IL1RAPL2: variants seen among roughly 807,000 people sequenced by gnomAD.
IL1RAPL2 encodes the protein interleukin 1 receptor accessory protein like 2, also known as X-linked interleukin-1 receptor accessory protein-like 2.
A neutral mutation model predicts 44.1 loss-of-function variants in IL1RAPL2; 3 were observed. The ratio of observed to expected loss-of-function variants is 0.07; its 90% CI spans 0.03 to 0.18. The LOEUF (loss-of-function observed/expected upper bound fraction) is 0.18, where lower values mean the gene tolerates loss of function less well. Ranked by LOEUF, IL1RAPL2 falls within the 10% of genes least tolerant of loss-of-function variation. The pLI is 1.00. For synonymous variants in IL1RAPL2, 181 were observed against 178.8 expected (o/e 1.01, Z -0.10); for missense variants, 391 against 496.4 (o/e 0.79, Z 2.02).
intron 6 of IL1RAPL2, among the ~76,000 whole-genome samples, chrX:105,635,688 T>A (rs1394423368): frequency 8.9e-6 from 1 of 111,776 alleles, no homozygotes; most frequent in Non-Finnish European, 1.9e-5. Context: ...TTATAGAACT[T>A]AAAAAACTTG....
chrX:104,884,314 A>C (rs1040302762), intron 2 of IL1RAPL2, among the ~76,000 whole-genome samples: 7 of 111,891 alleles, frequency 6.3e-5, no homozygotes, highest in African/African-American at 2.3e-4. Context: ...GAGTGCAACT[A>C]TTCCAATCAG....
intron 3 of IL1RAPL2, among the ~76,000 whole-genome samples, chrX:105,206,602 A>G (rs1320800273): frequency 8.9e-6 from 1 of 112,299 alleles, no homozygotes; most frequent in Admixed American, 9.5e-5. Flanking sequence ...TTTTAGTTTC[A>G]TCAGTGAACA....
At chrX:105,434,387 G>A (rs768535443) in intron 5 of IL1RAPL2, among the ~76,000 whole-genome samples, 26 of 111,775 alleles carry the variant, frequency 2.3e-4, no homozygotes, top group East Asian at 1.4e-3. Flanking sequence ...TCACATTTGC[G>A]TAAAAATATA....
At position 104,695,020 on chromosome X, in the gene IL1RAPL2, C is replaced by G. The variant is rs191381892; in HGVS notation, c.82+36025C>G. ...ATGTCCAGCCTCAGCTGGGCTCTCA[C>G]TGTCACTCAACAATCCATTGATGTG... On this transcript the variant is annotated intron_variant, in intron 2 of 10. Coordinates refer to ENST00000372582, the MANE Select transcript of IL1RAPL2 (RefSeq NM_017416.2). Among the ~76,000 whole-genome samples the G allele has an allele frequency of 2.5e-4, 28 of 112,455 alleles. No individual in the cohort carries two copies. The East Asian group carries it at 7.3e-3, about 29-fold the overall frequency.
chrX:105,074,490 G>C (rs1044849009), intron 2 of IL1RAPL2, among the ~76,000 whole-genome samples: 5 of 111,178 alleles, frequency 4.5e-5, no homozygotes, highest in Non-Finnish European at 7.5e-5. Flanking sequence ...CTCCGGCTTT[G>C]TTCTTTTGGC....
intron 2 of IL1RAPL2, among the ~76,000 whole-genome samples, chrX:105,170,451 A>C (rs59005632): frequency 0.14 from 16,118 of 111,181 alleles, 2,891 homozygotes; most frequent in African/African-American, 0.5. Flanking sequence ...ACTATTACTA[A>C]TATTGACAAT....
intron 2 of IL1RAPL2, among the ~76,000 whole-genome samples, chrX:105,011,276 A>T (rs752816368): frequency 9.0e-6 from 1 of 111,216 alleles, no homozygotes; most frequent in Non-Finnish European, 1.9e-5. Flanking sequence ...AATATTTATT[A>T]TGATTCCCCC....
intron 6 of IL1RAPL2, among the ~76,000 whole-genome samples, chrX:105,539,259 CA>C (rs749291498): frequency 3.6e-5 from 4 of 111,503 alleles, no homozygotes; most frequent in South Asian, 7.5e-4. Context: ...CCTGAGGCGT[CA>C]CATTACCTGA....
At chrX:104,631,917 A>C (rs1929659480) in intron 1 of IL1RAPL2, among the ~76,000 whole-genome samples, 1 of 110,025 alleles carries the variant, frequency 9.1e-6, no homozygotes, top group Non-Finnish European at 1.9e-5. Flanking sequence ...GTCCTTGCCC[A>C]TGCCTATGTC....
At chrX:105,079,893 C>T (rs1413998545) in intron 2 of IL1RAPL2, among the ~76,000 whole-genome samples, 2 of 111,447 alleles carry the variant, frequency 1.8e-5, no homozygotes, top group African/African-American at 6.5e-5. Flanking sequence ...AATCACCATT[C>T]TAAATGGTAT....
At chrX:104,935,332 A>G (rs908438068) in intron 2 of IL1RAPL2, among the ~76,000 whole-genome samples, 3 of 112,188 alleles carry the variant, frequency 2.7e-5, no homozygotes, top group African/African-American at 9.7e-5. Flanking sequence ...TTCTTTCTCT[A>G]TGAATTGCCC....
At chrX:105,191,107 T>C (rs781830003) in intron 2 of IL1RAPL2, among the ~76,000 whole-genome samples, 1 of 113,155 alleles carries the variant, frequency 8.8e-6, no homozygotes, top group South Asian at 3.6e-4. Flanking sequence ...ACATTGGTTG[T>C]ACAGATCAGA....
At chrX:105,173,121 C>A (rs1250558903) in intron 2 of IL1RAPL2, among the ~76,000 whole-genome samples, 1 of 110,589 alleles carries the variant, frequency 9.0e-6, no homozygotes, top group African/African-American at 3.3e-5. Flanking sequence ...TTTTCCCATC[C>A]CCAAGTCTTC....
At chrX:104,872,806 C>T (rs961812584) in intron 2 of IL1RAPL2, among the ~76,000 whole-genome samples, 4 of 111,040 alleles carry the variant, frequency 3.6e-5, no homozygotes, top group Non-Finnish European at 7.6e-5. Context: ...GCCATCACAA[C>T]CCATGACCTA....
At chrX:104,581,744 G>A (rs1027204871) in intron 1 of IL1RAPL2, among the ~76,000 whole-genome samples, 1 of 111,123 alleles carries the variant, frequency 9.0e-6, no homozygotes, top group East Asian at 2.8e-4. Context: ...TATACTATTC[G>A]CTGGGAACTT....
In IL1RAPL2 at chrX:105,696,547, C is replaced by CCA. The variant is rs1446276175; in HGVS notation, c.773-20817_773-20816dup. On this transcript the variant is annotated intron_variant, in intron 6 of 10. Transcript: ENST00000372582. ...ATATAGGACACCACATCCACCCCCC[C>CCA]CACAAAAGTAATAAAATCGAGGGAC... Among the ~76,000 whole-genome samples the CCA allele has an allele frequency of 9.0e-5, 10 of 111,519 alleles. No homozygotes were observed. The East Asian group carries it at 2.9e-3, about 32-fold the overall frequency.
chrX:105,016,105 C>G (rs184736116), intron 2 of IL1RAPL2, among the ~76,000 whole-genome samples: 128 of 111,310 alleles, frequency 1.1e-3, no homozygotes, highest in African/African-American at 4.1e-3. Flanking sequence ...CATGATCTGG[C>G]TCTCTGTTTG....
chrX:104,855,681 G>GTGTTTTT lies in IL1RAPL2; in HGVS notation c.82+196687_82+196688insGTTTTTT. Among the ~76,000 whole-genome samples, 14 of 53,862 alleles carry GTGTTTTT rather than the reference G, an allele frequency of 2.6e-4. 1 individual carries two copies. Among genetic ancestry groups the GTGTTTTT allele is most frequent in the Admixed American group, 9.4e-4 (5 of 5,323 alleles). 46.8% of individuals were successfully genotyped at this position (53,862 alleles called of 115,157 possible). A position where few individuals can be genotyped will look rare whatever the true frequency, so the allele number is the denominator to read the frequency against. On this transcript the variant is annotated intron_variant, in intron 2 of 10. Transcript: ENST00000372582. The stretch of plus-strand genomic sequence containing the variant: ...TTAACTGTGCTAAGGATCTGGATCC[G>GTGTTTTT]TTTTTTTTTTTTTTTTTACTGTATC...
chrX:105,468,986 C>T (rs1020868022), intron 5 of IL1RAPL2, among the ~76,000 whole-genome samples: 7 of 111,451 alleles, frequency 6.3e-5, no homozygotes, highest in African/African-American at 2.3e-4. Flanking sequence ...TCCAAAACTC[C>T]AACTGCAAAA....
Sources: gnomAD v4.1 joint callset for allele counts (sites outside exome capture counted in the v4.1 genomes callset) on GRCh38, gnomAD v4.1.1 for gene constraint, MANE v1.5 for transcripts, NCBI Gene and HGNC (gene_info 2026-07-23, HGNC 2026-07-21) for gene names.